SLC25A13: variants seen among roughly 807,000 people sequenced by gnomAD.
SLC25A13 encodes the protein solute carrier family 25 member 13, also known as electrogenic aspartate/glutamate antiporter SLC25A13, mitochondrial.
SLC25A13 carries 70 observed loss-of-function variants against 85.5 expected under a neutral mutation model. That is an observed-to-expected ratio of 0.82 (90% CI 0.68 to 1.00). SLC25A13 has a LOEUF of 1.00. Among genes scored for constraint, SLC25A13 ranks in the 50% least tolerant of loss-of-function variants. The pLI is 0.00. For synonymous variants in SLC25A13, 259 were observed against 288.7 expected (o/e 0.90, Z 1.04); for missense variants, 765 against 819.8 (o/e 0.93, Z 0.82).
At chr7:96,223,660 C>A (rs1312664589) in intron 4 of SLC25A13, among the ~76,000 whole-genome samples, 1 of 151,930 alleles carries the variant, frequency 6.6e-6, no homozygotes, top group Non-Finnish European at 1.5e-5. Context: ...TGGCGATGTG[C>A]GCCTGTAGTC....
At chr7:96,179,166 A>C (rs1794330547) in intron 11 of SLC25A13, among the ~76,000 whole-genome samples, 1 of 152,228 alleles carries the variant, frequency 6.6e-6, no homozygotes, top group African/African-American at 2.4e-5. Context: ...AGAAGTAAAG[A>C]GAATTGGGGA....
chr7:96,158,782 A>G (rs745311539), intron 13 of SLC25A13, among the ~76,000 whole-genome samples: 23 of 152,242 alleles, frequency 1.5e-4, no homozygotes, highest in Admixed American at 2.6e-4. Context: ...CTAGTGATTT[A>G]TGTTTCATTA....
intron 5 of SLC25A13, 140 bp downstream of exon 5, chr7:96,208,698 G>T: frequency 2.2e-6 from 2 of 921,816 alleles, no homozygotes; most frequent in South Asian, 1.3e-5. Flanking sequence ...GTAGAGACGG[G>T]GTTTCACCAT....
rs1290762916 is a variant in SLC25A13 at position 96,263,063 on chromosome 7, A to G, written c.212+14133T>C. 2.0e-5 allele frequency among the ~76,000 whole-genome samples: 3 copies of G among 149,586 alleles called. No homozygotes were observed. The East Asian group carries it at 5.9e-4, about 29-fold the overall frequency. ...AAAAAAAACAGCAGAGCTACTGCTC[A>G]CAAAATATTTTTATTTTAAAAGTTC... is the stretch of plus-strand genomic sequence containing the variant. On this transcript the variant is annotated intron_variant, in intron 3 of 17. Transcript: ENST00000265631.
At chr7:96,258,308 T>C (rs929790942) in intron 3 of SLC25A13, among the ~76,000 whole-genome samples, 19 of 152,144 alleles carry the variant, frequency 1.2e-4, no homozygotes, top group Admixed American at 1.1e-3. Flanking sequence ...TGATTGCATA[T>C]TTAGAAAACC....
rs543491037 is a variant in SLC25A13, at chr7:96,168,098, GAAAAAAAAAAAAAAA to G, written c.1311+1932_1311+1946del. On this transcript the variant is annotated intron_variant, in intron 13 of 17. Transcript: ENST00000265631. The stretch of plus-strand genomic sequence containing the variant: ...CTGGTGACAGAGCGAAACTCTGTCT[GAAAAAAAAAAAAAAA>G]AAAAAAAAAAAAAAAAGCACGTGTG... Among the ~76,000 whole-genome samples the G allele has an allele frequency of 1.1e-3, 22 of 19,724 alleles. 1 individual carries two copies. In the South Asian group the frequency reaches 0.014, roughly 12 times the overall value. The allele number at this position is 19,724 out of a possible 152,430, so 12.9% of individuals were successfully genotyped here.
At chr7:96,249,284 T>C (rs1379240853) in intron 3 of SLC25A13, among the ~76,000 whole-genome samples, 1 of 152,218 alleles carries the variant, frequency 6.6e-6, no homozygotes, top group African/African-American at 2.4e-5. Flanking sequence ...TTTTACTACA[T>C]GAACATAATT....
chr7:96,129,033 A>G (rs1791886966), intron 15 of SLC25A13, among the ~76,000 whole-genome samples: 1 of 147,742 alleles, frequency 6.8e-6, no homozygotes, highest in African/African-American at 2.5e-5. Flanking sequence ...ATCCAAGTTG[A>G]CCAATGGAGA....
At chr7:96,152,474 T>C (rs560711579) in intron 13 of SLC25A13, among the ~76,000 whole-genome samples, 36 of 152,260 alleles carry the variant, frequency 2.4e-4, no homozygotes, top group African/African-American at 7.9e-4. Flanking sequence ...GGGTAATGGA[T>C]GCAACAGAGA....
intron 13 of SLC25A13, among the ~76,000 whole-genome samples, chr7:96,155,236 G>A (rs1203371978): frequency 6.6e-6 from 1 of 152,122 alleles, no homozygotes; most frequent in Non-Finnish European, 1.5e-5. Flanking sequence ...CCAAATTTCT[G>A]CAAAAATTCA....
intron 1 of SLC25A13, among the ~76,000 whole-genome samples, chr7:96,301,225 C>T (rs1400309343): frequency 6.6e-6 from 1 of 152,172 alleles, no homozygotes; most frequent in Non-Finnish European, 1.5e-5. Flanking sequence ...GCTTTAGAAG[C>T]CTGGAATTAT....
chr7:96,311,410 T>C (rs1233405647), intron 1 of SLC25A13, among the ~76,000 whole-genome samples: 2 of 152,126 alleles, frequency 1.3e-5, no homozygotes, highest in South Asian at 2.1e-4. Flanking sequence ...TAGATTAAAC[T>C]GTCACTTGCA....
chr7:96,198,417 A>T (rs763051928), intron 5 of SLC25A13, among the ~76,000 whole-genome samples: 2 of 152,234 alleles, frequency 1.3e-5, no homozygotes, highest in Non-Finnish European at 2.9e-5. Flanking sequence ...AAAAATGAAC[A>T]TCAGCCAGGA....
intron 14 of SLC25A13, among the ~76,000 whole-genome samples, chr7:96,133,366 C>T (rs935976120): frequency 6.6e-6 from 1 of 152,186 alleles, no homozygotes; most frequent in African/African-American, 2.4e-5. Context: ...TAGGCACGTA[C>T]AAACTAACGT....
intron 3 of SLC25A13, among the ~76,000 whole-genome samples, chr7:96,257,549 G>A (rs1363067555): frequency 1.3e-5 from 2 of 152,126 alleles, no homozygotes; most frequent in Admixed American, 1.3e-4. Flanking sequence ...TCAATAACAA[G>A]TTCTGAAATT....
At chr7:96,165,767 G>A (rs1241514154) in intron 13 of SLC25A13, among the ~76,000 whole-genome samples, 4 of 152,222 alleles carry the variant, frequency 2.6e-5, no homozygotes, top group Non-Finnish European at 4.4e-5. Context: ...GGAATGAAAA[G>A]CAATTTGGAC....
chr7:96,189,230 G>T lies in SLC25A13; in HGVS notation c.933+64C>A. 2.1e-6 allele frequency: 3 copies of T among 1,424,970 alleles called. No individual in the cohort carries two copies. In the African/African-American group the frequency reaches 4.2e-5, roughly 20 times the overall value. 88.3% of individuals were successfully genotyped at this position (1,424,970 alleles called of 1,614,324 possible). A position where few individuals can be genotyped will look rare whatever the true frequency, so the allele number is the denominator to read the frequency against. ...CAATGCCGCAAAGGCAACTGCAAGT[G>T]GAACAGGGTTGGGGTATCCTGCTAA... is the stretch of plus-strand genomic sequence containing the variant. On this transcript the variant is annotated intron_variant, in intron 9 of 17. Coordinates refer to ENST00000265631, the MANE Select transcript of SLC25A13 (RefSeq NM_014251.3).
At chr7:96,201,841 T>C (rs980395211) in intron 5 of SLC25A13, among the ~76,000 whole-genome samples, 3 of 152,142 alleles carry the variant, frequency 2.0e-5, no homozygotes, top group Admixed American at 6.5e-5. Context: ...TGTGTTGAAA[T>C]TGTTGCCTTA....
Position 96,146,588 on chromosome 7 carries a change from C to T in SLC25A13, c.1420G>A (p.Val474Met), listed in dbSNP as rs554809009. The T allele has an allele frequency of 4.9e-5, 79 of 1,613,210 alleles. 1 individual carries two copies. The highest frequency in any genetic ancestry group is 2.0e-4 in the East Asian group (9 of 44,844). Residue 474 changes from valine to methionine, a missense_variant, in exon 14 of 18, where the codon GTG becomes ATG. Coordinates refer to ENST00000265631, the MANE Select transcript of SLC25A13 (RefSeq NM_014251.3). ...ATCCCAAAAAACCCCAGGTCCCGCACGACAGACAGAGCACTGACTCGAGGA... is the reference window on the plus strand; with the variant it reads ...ATCCCAAAAAACCCCAGGTCCCGCATGACAGACAGAGCACTGACTCGAGGA... ...TGPRVSALSVVRDLGFFGIYK... is the reference protein window; with the variant it reads ...TGPRVSALSVMRDLGFFGIYK...
Sources: allele counts gnomAD v4.1 joint callset (sites outside exome capture counted in the v4.1 genomes callset), GRCh38; gene constraint gnomAD v4.1.1; transcripts MANE v1.5; gene names NCBI Gene and HGNC (gene_info 2026-07-23, HGNC 2026-07-21).